Variants in MNT observed in about 807,000 individuals in gnomAD.
The protein encoded by MNT is MAX network transcriptional repressor.
In MNT, 13 loss-of-function variants were observed where a neutral mutation model predicts 40.7. That is an observed-to-expected ratio of 0.32 (90% CI 0.21 to 0.51). The LOEUF (loss-of-function observed/expected upper bound fraction) is 0.51, where lower values mean the gene tolerates loss of function less well. Ranked by LOEUF, MNT falls within the 20% of genes least tolerant of loss-of-function variation. MNT has a pLI of 0.98. For missense variants in MNT, 757 were observed against 792.0 expected, an observed-to-expected ratio of 0.96 and a Z score of 0.53; for synonymous variants, 426 against 354.8, an observed-to-expected ratio of 1.20 and a Z score of -2.26.
intron 1 of MNT, among the ~76,000 whole-genome samples, chr17:2,397,005 G>GCCTGCTCCCAGCCCCGC (rs2066582829): frequency 6.6e-6 from 1 of 152,244 alleles, no homozygotes; most frequent in African/African-American, 2.4e-5. Context: ...TGTGAGCCAG[G>GCCTGCTCCCAGCCCCGC]CCTGCTCCCA....
At chr17:2,390,248 A>G (rs1597416566) in intron 4 of MNT, 1 of 152,388 alleles carries the variant, frequency 6.6e-6, no homozygotes, top group East Asian at 1.9e-4. Context: ...CCTGGTGACC[A>G]TGTTCCTTCC....
rs951528594 is a variant in MNT at position 2,384,093 on chromosome 17, A to C, written c.*2808T>G. ...CCATCTCAGGTTTCAGTGCAGGTTT[A>C]TTTCAGTTTTATATTTTATTCCAGG... On this transcript the variant is annotated 3_prime_UTR_variant, in exon 6 of 6. Transcript: ENST00000174618. 1.3e-5 allele frequency: 2 copies of C among 152,428 alleles called. No individual in the cohort carries two copies. The highest frequency in any genetic ancestry group is 4.8e-5 in the African/African-American group (2 of 41,374). The allele number at this position is 152,428 out of a possible 1,614,324, so 9.4% of individuals were successfully genotyped here. A position where few individuals can be genotyped will look rare whatever the true frequency, so the allele number is the denominator to read the frequency against.
intron 1 of MNT, among the ~76,000 whole-genome samples, chr17:2,399,583 G>A (rs1040055549): frequency 1.3e-5 from 2 of 152,158 alleles, no homozygotes; most frequent in Non-Finnish European, 2.9e-5. Flanking sequence ...GCTCTCCCTG[G>A]GAGGTGCCCA....
chr17:2,399,786 G>A (rs574899799), intron 1 of MNT, among the ~76,000 whole-genome samples: 1 of 152,354 alleles, frequency 6.6e-6, no homozygotes, highest in Admixed American at 6.5e-5. Context: ...AACGGGCTCG[G>A]AACGCAGGCA....
In MNT at chr17:2,394,920, G is replaced by C. The variant is rs755694922; in HGVS notation, c.608C>G (p.Pro203Arg). 2 of 1,606,050 alleles carry C rather than the reference G, an allele frequency of 1.2e-6. No homozygotes were observed. The highest frequency in any genetic ancestry group is 1.7e-6 in the Non-Finnish European group (2 of 1,176,842). ...TTCACTGGATTTGACTTCTTCAGCT[G>C]GTGCCAACTTCAGGGTCCCCAGCGT... ...PPTLGTLKLA[P>R]AEEVKSSEQK... is the part of the protein sequence containing the mutation. The change falls in exon 2 of 6, where the codon CCA (proline) becomes CGA (arginine). Residue 203 changes from proline (P) to arginine (R), a missense_variant. Pro to Arg is a moderately radical substitution (Grantham distance 103). Coordinates refer to ENST00000174618, the MANE Select transcript of MNT (RefSeq NM_020310.3).
Position 2,395,109 on chromosome 17 carries a change from C to A in MNT, c.419G>T (p.Arg140Met). ...SIKEPAPLPS[R>M]PQVPTPAPLL... ...GGGAGCAGGGGTGGGCACCTGCGGCCTGCTGGGCAGGGGGGCAGGCTCCTT... is the reference window on the plus strand; with the variant it reads ...GGGAGCAGGGGTGGGCACCTGCGGCATGCTGGGCAGGGGGGCAGGCTCCTT... The change falls in exon 2 of 6, where the codon AGG (arginine) becomes ATG (methionine). Residue 140 changes from arginine (R) to methionine (M), a missense_variant. Coordinates refer to ENST00000174618, the MANE Select transcript of MNT (RefSeq NM_020310.3). 1 of 1,491,210 alleles carries A rather than the reference C, an allele frequency of 6.7e-7. No homozygotes were observed. The highest frequency in any genetic ancestry group is 2.4e-5 in the East Asian group (1 of 41,934). The allele number at this position is 1,491,210 out of a possible 1,614,324, so 92.4% of individuals were successfully genotyped here.
chr17:2,392,238 CAATGAATA>C (rs1259272180), intron 4 of MNT, among the ~76,000 whole-genome samples: 8 of 152,232 alleles, frequency 5.3e-5, no homozygotes, highest in Admixed American at 4.6e-4. Flanking sequence ...AAAAGCACCT[CAATGAATA>C]AATGAATAAA....
intron 4 of MNT, chr17:2,392,104 C>T (rs929569817): frequency 1.3e-5 from 2 of 152,196 alleles, no homozygotes; most frequent in African/African-American, 2.4e-5. Context: ...GAACAGATCC[C>T]GCCGCCCGGT....
At position 2,395,150 on chromosome 17, in the gene MNT, G is replaced by T; in HGVS notation, c.378C>A (p.Ala126=). The T allele has an allele frequency of 6.8e-7, 1 of 1,464,202 alleles. No individual in the cohort carries two copies. Among genetic ancestry groups the T allele is most frequent in the Non-Finnish European group, 9.0e-7 (1 of 1,110,958 alleles). The allele number at this position is 1,464,202 out of a possible 1,614,324, so 90.7% of individuals were successfully genotyped here. A position where few individuals can be genotyped will look rare whatever the true frequency, so the allele number is the denominator to read the frequency against. Residue 126 remains alanine, a synonymous_variant, in exon 2 of 6, where the codon GCC becomes GCA. Coordinates refer to ENST00000174618, the MANE Select transcript of MNT (RefSeq NM_020310.3). ...LAPRQPALVG[A]PGLSIKEPAP... ...CAGGCTCCTTAATGCTGAGTCCGGG[G>T]GCGCCAACCAGGGCCGGCTGACGAG...
intron 3 of MNT, 28 bp downstream of exon 3, chr17:2,394,277 G>GCACGCGCGCGCACACACACA (rs539682697): frequency 9.4e-6 from 14 of 1,489,236 alleles, no homozygotes; most frequent in Admixed American, 2.0e-5. Flanking sequence ...ACGCACGCAC[G>GCACGCGCGCGCACACACACA]CACACACACA....
At chr17:2,396,307 A>T (rs1016579785) in intron 1 of MNT, 6 of 153,216 alleles carry the variant, frequency 3.9e-5, no homozygotes, top group Non-Finnish European at 5.8e-5. Context: ...AATCCCCAAC[A>T]TCCCCACCAC....
In MNT at chr17:2,395,169, TGAC is replaced by T; in HGVS notation, c.356_358del (p.Arg119del). On this transcript the variant is annotated inframe_deletion, in exon 2 of 6. Transcript: ENST00000174618. ...TCCGGGGGCGCCAACCAGGGCCGGC[TGAC>T]GAGGCGCCAGGGGCAGAGGCTGGGC... is the stretch of plus-strand genomic sequence containing the variant. 7.1e-7 allele frequency: 1 copy of T among 1,403,960 alleles called. No homozygotes were observed. Among genetic ancestry groups the T allele is most frequent in the African/African-American group, 1.7e-5 (1 of 58,342 alleles). 87.0% of individuals were successfully genotyped at this position (1,403,960 alleles called of 1,614,324 possible). A position where few individuals can be genotyped will look rare whatever the true frequency, so the allele number is the denominator to read the frequency against.
In MNT at chr17:2,395,114, G is replaced by C. The variant is rs1448983791; in HGVS notation, c.414C>G (p.Pro138=). 1.3e-6 allele frequency: 2 copies of C among 1,481,564 alleles called. No individual in the cohort carries two copies. The highest frequency in any genetic ancestry group is 4.8e-5 in the East Asian group (2 of 41,586). The allele number at this position is 1,481,564 out of a possible 1,614,324, so 91.8% of individuals were successfully genotyped here. A position where few individuals can be genotyped will look rare whatever the true frequency, so the allele number is the denominator to read the frequency against. ...GLSIKEPAPL[P]SRPQVPTPAP... ...CAGGGGTGGGCACCTGCGGCCTGCT[G>C]GGCAGGGGGGCAGGCTCCTTAATGC... Residue 138 remains proline, a synonymous_variant, in exon 2 of 6, where the codon CCC becomes CCG. Transcript: ENST00000174618.
chr17:2,399,347 G>T (rs1445014680), intron 1 of MNT, among the ~76,000 whole-genome samples: 1 of 152,196 alleles, frequency 6.6e-6, no homozygotes, highest in African/African-American at 2.4e-5. Context: ...CTTCCCTTTC[G>T]AGGGAGCGCC....
rs1234878812 is a variant in MNT at position 2,400,792 on chromosome 17, C to G, written c.-80G>C. 4 of 1,286,160 alleles carry G rather than the reference C, an allele frequency of 3.1e-6. No homozygotes were observed. The African/African-American group carries it at 6.3e-5, about 20-fold the overall frequency. The allele number at this position is 1,286,160 out of a possible 1,614,324, so 79.7% of individuals were successfully genotyped here. On this transcript the variant is annotated 5_prime_UTR_variant, in exon 1 of 6. Coordinates refer to ENST00000174618, the MANE Select transcript of MNT (RefSeq NM_020310.3). ...GGCACAGGTCAGGCTGGCGGGCAGG[C>G]AGGAGGGAGGGATCACCTCCGGGGG...
intron 4 of MNT, 47 bp from the exon 5 acceptor site, chr17:2,388,096 TG>T: frequency 6.7e-7 from 1 of 1,500,468 alleles, no homozygotes; most frequent in Non-Finnish European, 9.0e-7. Context: ...GCAGCAGCCT[TG>T]GGGCCCAAAG....
rs1439239609 is a variant in MNT, at chr17:2,394,994, T to C, written c.534A>G (p.Pro178=). ...CCAGCTGAGGCTGGACTCCAGGGTGTGGCGCTATGGTCAGGACAGGCGTGG... is the reference window on the plus strand; with the variant it reads ...CCAGCTGAGGCTGGACTCCAGGGTGCGGCGCTATGGTCAGGACAGGCGTGG... ...PLPTPVLTIA[P]HPGVQPQLAP... is the part of the protein sequence containing the mutation. The change falls in exon 2 of 6, where the codon CCA becomes CCG. Residue 178 remains proline (P), a synonymous_variant. Coordinates refer to ENST00000174618, the MANE Select transcript of MNT (RefSeq NM_020310.3). 1 of 1,606,112 alleles carries C rather than the reference T, an allele frequency of 6.2e-7. No homozygotes were observed. Among genetic ancestry groups the C allele is most frequent in the East Asian group, 2.2e-5 (1 of 44,626 alleles).
chr17:2,391,979 G>A (rs951277255), intron 4 of MNT: 4 of 152,260 alleles, frequency 2.6e-5, no homozygotes, highest in Non-Finnish European at 5.9e-5. Context: ...TCCTGCTGGA[G>A]AAACTGGGCT....
At chr17:2,388,662 G>C (rs949278787) in intron 4 of MNT, among the ~76,000 whole-genome samples, 6 of 151,912 alleles carry the variant, frequency 3.9e-5, no homozygotes, top group African/African-American at 7.3e-5. Flanking sequence ...CTCCCCTCCA[G>C]ACTCCCTGGG....
Sources: allele counts gnomAD v4.1 joint callset (sites outside exome capture counted in the v4.1 genomes callset), GRCh38; gene constraint gnomAD v4.1.1; transcripts MANE v1.5; gene names NCBI Gene and HGNC (gene_info 2026-07-23, HGNC 2026-07-21).